NOTCH2: variants seen among roughly 807,000 people sequenced by gnomAD.
NOTCH2 encodes notch receptor 2.
A neutral mutation model predicts 235.8 loss-of-function variants in NOTCH2; 29 were observed. The observed-to-expected ratio is 0.12, with a 90% confidence interval of 0.09 to 0.17. The LOEUF (loss-of-function observed/expected upper bound fraction) is 0.17. Among genes scored for constraint, NOTCH2 ranks in the 10% least tolerant of loss-of-function variants. The probability of loss-of-function intolerance (pLI) is 1.00; values close to 1 mark genes in which losing one functional copy is unlikely to be tolerated. For synonymous variants in NOTCH2, 1,086 were observed against 1,141.5 expected, an observed-to-expected ratio of 0.95 and a Z score of 0.98; for missense variants, 2,285 against 3,150.2, an observed-to-expected ratio of 0.73 and a Z score of 6.57.
At chr1:120,034,291 C>T in intron 1 of NOTCH2, among the ~76,000 whole-genome samples, 1 of 138,224 alleles carries the variant, frequency 7.2e-6, no homozygotes, top group Non-Finnish European at 1.5e-5. Flanking sequence ...ATCTTATTTA[C>T]TGTGTGTGTA....
At chr1:120,006,264 T>C (rs1652972636) in intron 2 of NOTCH2, among the ~76,000 whole-genome samples, 1 of 152,210 alleles carries the variant, frequency 6.6e-6, no homozygotes, top group Non-Finnish European at 1.5e-5. Context: ...AATATTTAAG[T>C]AGTAGGCATT....
At chr1:120,002,052 A>G (rs1652778646) in intron 3 of NOTCH2, among the ~76,000 whole-genome samples, 3 of 152,238 alleles carry the variant, frequency 2.0e-5, no homozygotes, top group Admixed American at 6.5e-5. Flanking sequence ...TCACAGGTCC[A>G]GGAATCAAGG....
At chr1:119,970,509 T>C (rs1651322175) in intron 5 of NOTCH2, among the ~76,000 whole-genome samples, 1 of 152,102 alleles carries the variant, frequency 6.6e-6, no homozygotes, top group Non-Finnish European at 1.5e-5. Context: ...GTCCACCCAA[T>C]GTACTAGGAG....
intron 29 of NOTCH2, among the ~76,000 whole-genome samples, 159 bp downstream of exon 29, chr1:119,921,554 T>C (rs1649284848): frequency 6.6e-6 from 1 of 152,204 alleles, no homozygotes; most frequent in Non-Finnish European, 1.5e-5. Flanking sequence ...TCCTAAGGAT[T>C]CCTGCTGTTT....
intron 4 of NOTCH2, among the ~76,000 whole-genome samples, chr1:119,989,053 A>G (rs1553202554): frequency 6.6e-6 from 1 of 152,188 alleles, no homozygotes; most frequent in African/African-American, 2.4e-5. Flanking sequence ...ATAGGTAGGT[A>G]AGAAGGGAGG....
chr1:119,953,255 G>A (rs587667355), intron 14 of NOTCH2, among the ~76,000 whole-genome samples: 10 of 151,746 alleles, frequency 6.6e-5, no homozygotes, highest in East Asian at 1.9e-4. Context: ...AGCTTGCAGT[G>A]AGCCAAGATC....
At chr1:120,030,182 C>T (rs1390983523) in intron 1 of NOTCH2, among the ~76,000 whole-genome samples, 195 bp from the exon 2 acceptor site, 2 of 152,148 alleles carry the variant, frequency 1.3e-5, no homozygotes, top group South Asian at 2.1e-4. Flanking sequence ...ACAATAACCA[C>T]GTTTGTGGTC....
chr1:120,003,728 T>TA (rs1557842275), intron 3 of NOTCH2, among the ~76,000 whole-genome samples: 1 of 152,048 alleles, frequency 6.6e-6, no homozygotes, highest in African/African-American at 2.4e-5. Context: ...TAAAATGTGA[T>TA]ACATAAAACT....
At chr1:119,971,311 GCT>G (rs1311479424) in intron 5 of NOTCH2, among the ~76,000 whole-genome samples, 15 of 152,174 alleles carry the variant, frequency 9.9e-5, no homozygotes, top group African/African-American at 3.6e-4. Context: ...ACCCTTCCAT[GCT>G]CTTCTCCTAA....
intron 5 of NOTCH2, among the ~76,000 whole-genome samples, chr1:119,972,716 TA>T (rs1553200527): frequency 6.6e-6 from 1 of 152,220 alleles, no homozygotes; most frequent in African/African-American, 2.4e-5. Context: ...GTCTCATTTA[TA>T]TCTGAGGAAA....
chr1:119,965,600 G>C, intron 9 of NOTCH2, 34 bp from the exon 10 acceptor site: 1 of 1,389,082 alleles, frequency 7.2e-7, no homozygotes, highest in Non-Finnish European at 1.0e-6. Flanking sequence ...TGAGTCAAAG[G>C]ATTATCTTGT....
At chr1:119,918,638 C>T in intron 31 of NOTCH2, 85 bp from the exon 32 acceptor site, 1 of 1,385,948 alleles carries the variant, frequency 7.2e-7, no homozygotes, top group East Asian at 2.3e-5. Flanking sequence ...GGCATCAGAG[C>T]TGAGGCTACA....
chr1:119,950,986 G>A, intron 14 of NOTCH2, 149 bp from the exon 15 acceptor site: 3 of 695,916 alleles, frequency 4.3e-6, no homozygotes, highest in Non-Finnish European at 5.3e-6. Context: ...ATTCATTTCA[G>A]CCCCATGTCC....
rs1553195973 is a variant in NOTCH2, at chr1:119,937,947, C to CT, written c.3246dup (p.Ala1083SerfsTer17). On this transcript the variant is annotated frameshift_variant, in exon 20 of 34. Transcript: ENST00000256646. LOFTEE classifies it high-confidence loss of function. Reference sequence around the variant, plus strand: ...GATGGACATAGGCACTGGGACTCTGCTTTTTTCTGAACGCAAGTACCTTTG... The same window carrying CT: ...GATGGACATAGGCACTGGGACTCTGCTTTTTTTCTGAACGCAAGTACCTTTG... The CT allele has an allele frequency of 6.2e-7, 1 of 1,614,164 alleles. No homozygotes were observed. Among genetic ancestry groups the CT allele is most frequent in the Non-Finnish European group, 8.5e-7 (1 of 1,180,022 alleles).
At position 119,916,309 on chromosome 1, in the gene NOTCH2, T is replaced by C. The variant is rs746533637; in HGVS notation, c.6413A>G (p.Lys2138Arg). The C allele has an allele frequency of 6.2e-7, 1 of 1,614,210 alleles. No individual in the cohort carries two copies. The change falls in exon 34 of 34, where the codon AAG (lysine) becomes AGG (arginine). Residue 2138 changes from lysine (K) to arginine (R), a missense_variant. Around this residue, in one of 6 missense-constraint regions of NOTCH2, gnomAD observed 504 missense variants for 538.0 expected, o/e 0.94. Transcript: ENST00000256646. ...GSRRKKSLSE[K>R]VQLSESSVTL... is the part of the protein sequence containing the mutation. ...TACTGAACTCTCAGACAGTTGGACC[T>C]TCTCACTCAGAGACTTCTTCCTCCT...
rs762986154 is a variant in NOTCH2 at position 119,923,791 on chromosome 1, G to A, written c.4705C>T (p.Leu1569=). The A allele has an allele frequency of 5.0e-6, 8 of 1,614,186 alleles. No homozygotes were observed. The highest frequency in any genetic ancestry group is 6.8e-6 in the Non-Finnish European group (8 of 1,180,030). ...AGGTTGGTGTGGAGCAGGGTACCCAGTGCCCGCAAGAAGCTGCGAGCATCC... is the reference window on the plus strand; with the variant it reads ...AGGTTGGTGTGGAGCAGGGTACCCAATGCCCGCAAGAAGCTGCGAGCATCC... ...LQDARSFLRA[L]GTLLHTNLRI... Residue 1569 remains leucine, a synonymous_variant, in exon 26 of 34, where the codon CTG becomes TTG. Transcript: ENST00000256646.
At chr1:119,922,176 T>C (rs969488435) in intron 28 of NOTCH2, 60 bp downstream of exon 28, 23 of 1,526,794 alleles carry the variant, frequency 1.5e-5, no homozygotes, top group Admixed American at 1.0e-4. Flanking sequence ...CAACAAGATA[T>C]GCTTTTCTAG....
chr1:119,926,261 T>C (rs1649467674), intron 24 of NOTCH2, among the ~76,000 whole-genome samples: 1 of 152,252 alleles, frequency 6.6e-6, no homozygotes, highest in Admixed American at 6.5e-5. Flanking sequence ...CTGACAGTCA[T>C]GGATTGGGAA....
In NOTCH2 at chr1:119,968,183, C is replaced by T. The variant is rs781863099; in HGVS notation, c.1158G>A (p.Lys386=). 20 of 1,613,888 alleles carry T rather than the reference C, an allele frequency of 1.2e-5. No homozygotes were observed. Among genetic ancestry groups the T allele is most frequent in the Non-Finnish European group, 1.5e-5 (18 of 1,179,944 alleles). The change falls in exon 7 of 34, where the codon AAG becomes AAA. Residue 386 remains lysine (K), a synonymous_variant. Coordinates refer to ENST00000256646, the MANE Select transcript of NOTCH2 (RefSeq NM_024408.4). ...DDACISNPCH[K]GALCDTNPLN... ...GGGGGTTGGTGTCACACAGTGCCCC[C>T]TTGTGGCAAGGATTGCTGATGCATG...
Sources: gnomAD v4.1 joint callset for allele counts (sites outside exome capture counted in the v4.1 genomes callset) on GRCh38, gnomAD v4.1.1 for gene constraint, gnomAD v4.1.1 regional missense constraint, MANE v1.5 for transcripts, NCBI Gene and HGNC (gene_info 2026-07-23, HGNC 2026-07-21) for gene names.